VIRMA: variants seen among roughly 807,000 people sequenced by gnomAD.
VIRMA encodes the protein vir like m6A methyltransferase associated.
Under a neutral mutation model 182.4 loss-of-function variants are expected in VIRMA, and 65 were observed. That is an observed-to-expected ratio of 0.36 (90% CI 0.29 to 0.44). The LOEUF (loss-of-function observed/expected upper bound fraction) is 0.44, where lower values mean the gene tolerates loss of function less well. VIRMA is among the 20% of genes least tolerant of loss of function. VIRMA has a pLI of 1.00. For missense variants in VIRMA, 1,752 were observed against 2,158.1 expected (o/e 0.81, Z 3.73); for synonymous variants, 709 against 743.1 (o/e 0.95, Z 0.75).
At chr8:94,508,826 T>G (rs1314038777) in intron 15 of VIRMA, among the ~76,000 whole-genome samples, 1 of 152,112 alleles carries the variant, frequency 6.6e-6, no homozygotes, top group East Asian at 1.9e-4. Flanking sequence ...AAATCACATT[T>G]GATGACCACT....
Position 94,496,330 on chromosome 8 carries a change from A to G in VIRMA, c.4381T>C (p.Leu1461=), listed in dbSNP as rs1270975014. 2 of 1,607,256 alleles carry G rather than the reference A, an allele frequency of 1.2e-6. No homozygotes were observed. The highest frequency in any genetic ancestry group is 2.7e-5 in the African/African-American group (2 of 74,358). The change falls in exon 18 of 24, where the codon TTG becomes CTG. Residue 1461 remains leucine (L), a splice_region_variant and synonymous_variant. Transcript: ENST00000297591. ...NLFLELEKLV[L]EHSKDDDNLD... is the part of the protein sequence containing the mutation. ...CGCTCTGTTTTTTTCTTTTTTACCAAAACAAGCTTCTCTAGTTCAAGGAAC... is the reference window on the plus strand; with the variant it reads ...CGCTCTGTTTTTTTCTTTTTTACCAGAACAAGCTTCTCTAGTTCAAGGAAC...
At chr8:94,489,861 C>A (rs1290997965) in intron 23 of VIRMA, 78 bp downstream of exon 23, 1 of 1,486,040 alleles carries the variant, frequency 6.7e-7, no homozygotes, top group African/African-American at 1.4e-5. Flanking sequence ...CTAGCCCCCT[C>A]TGTATATGAT....
chr8:94,553,252 G>A, intron 1 of VIRMA, 133 bp downstream of exon 1: 1 of 870,352 alleles, frequency 1.1e-6, no homozygotes, highest in Non-Finnish European at 1.9e-6. Context: ...ACACAGCTCG[G>A]GGGAGGGTGT....
At chr8:94,543,242 T>G (rs1249229784) in intron 2 of VIRMA, among the ~76,000 whole-genome samples, 1 of 151,240 alleles carries the variant, frequency 6.6e-6, no homozygotes, top group Non-Finnish European at 1.5e-5. Context: ...CCATCTCTAC[T>G]AAAAATACAA....
At chr8:94,553,263 C>T (rs1816070780) in intron 1 of VIRMA, 122 bp downstream of exon 1, 2 of 956,188 alleles carry the variant, frequency 2.1e-6, no homozygotes, top group East Asian at 4.8e-5. Flanking sequence ...GGGAGGGTGT[C>T]TGTGTGTAAG....
Position 94,529,116 on chromosome 8 carries a change from T to C in VIRMA, c.834A>G (p.Glu278=). The change falls in exon 7 of 24, where the codon GAA becomes GAG. Residue 278 remains glutamate, a synonymous_variant. Coordinates refer to ENST00000297591, the MANE Select transcript of VIRMA (RefSeq NM_015496.5). ...RRTVDSIPEE[E]EEDEEEEGEE... ...CACCTTCTTCCTCTTCATCTTCCTC[T>C]TCCTCCTCAGGAATACTGTCTACTG... 1.3e-6 allele frequency: 2 copies of C among 1,531,388 alleles called. No homozygotes were observed. Among genetic ancestry groups the C allele is most frequent in the Non-Finnish European group, 1.8e-6 (2 of 1,105,228 alleles). 94.9% of individuals were successfully genotyped at this position (1,531,388 alleles called of 1,614,324 possible).
chr8:94,494,197 G>C (rs1368313595), intron 20 of VIRMA, among the ~76,000 whole-genome samples: 1 of 152,192 alleles, frequency 6.6e-6, no homozygotes, highest in Non-Finnish European at 1.5e-5. Flanking sequence ...GCTCACGCCT[G>C]TAATCCCATC....
At chr8:94,534,449 A>G (rs1047152389) in intron 5 of VIRMA, 2 of 196,880 alleles carry the variant, frequency 1.0e-5, no homozygotes, top group Admixed American at 1.2e-4. Flanking sequence ...CCACTTCAAC[A>G]TAAAAAGAAA....
intron 16 of VIRMA, among the ~76,000 whole-genome samples, chr8:94,504,041 G>A (rs1290342900): frequency 1.3e-5 from 2 of 152,174 alleles, no homozygotes; most frequent in African/African-American, 4.8e-5. Context: ...GGGTGTGGTG[G>A]TGCATGCCTG....
intron 7 of VIRMA, among the ~76,000 whole-genome samples, chr8:94,528,461 T>C (rs1000655406): frequency 6.6e-6 from 1 of 152,226 alleles, no homozygotes; most frequent in African/African-American, 2.4e-5. Context: ...AGGCAGATTA[T>C]CTGTTATTCT....
chr8:94,505,252 T>G (rs1467080486), intron 16 of VIRMA, among the ~76,000 whole-genome samples: 1 of 152,108 alleles, frequency 6.6e-6, no homozygotes, highest in African/African-American at 2.4e-5. Flanking sequence ...GTACCTGCAA[T>G]GTAAGTTTTC....
intron 1 of VIRMA, among the ~76,000 whole-genome samples, chr8:94,546,650 T>G (rs1049800712): frequency 2.6e-5 from 4 of 151,052 alleles, no homozygotes; most frequent in African/African-American, 9.9e-5. Context: ...GAGATTTTAG[T>G]GTACCTGTCT....
chr8:94,512,944 A>G (rs2130311713), intron 11 of VIRMA, among the ~76,000 whole-genome samples: 1 of 152,320 alleles, frequency 6.6e-6, no homozygotes, highest in Admixed American at 6.5e-5. Context: ...AAACAAATAC[A>G]ATTGCCTATG....
At chr8:94,549,762 G>T (rs1265292184) in intron 1 of VIRMA, among the ~76,000 whole-genome samples, 1 of 152,088 alleles carries the variant, frequency 6.6e-6, no homozygotes, top group Non-Finnish European at 1.5e-5. Flanking sequence ...CATCTCTCAG[G>T]CTCAGTTTCC....
intron 1 of VIRMA, among the ~76,000 whole-genome samples, chr8:94,553,152 G>C (rs1360426500): frequency 6.6e-6 from 1 of 152,024 alleles, no homozygotes; most frequent in Non-Finnish European, 1.5e-5. Flanking sequence ...CATGCAAGCA[G>C]AAAAGCCAAC....
chr8:94,543,981 A>C (rs1815672892), intron 1 of VIRMA, 39 bp from the exon 2 acceptor site: 1 of 1,013,300 alleles, frequency 9.9e-7, no homozygotes, highest in Non-Finnish European at 1.5e-6. Context: ...GGGGTTCGGA[A>C]CATTATGTAA....
In VIRMA at chr8:94,527,647, A is replaced by G. The variant is rs570533144; in HGVS notation, c.881-284T>C. Among the ~76,000 whole-genome samples, 7 of 152,334 alleles carry G rather than the reference A, an allele frequency of 4.6e-5. 1 individual carries two copies. In the South Asian group the frequency reaches 1.0e-3, roughly 23 times the overall value. On this transcript the variant is annotated intron_variant, in intron 7 of 23. Transcript: ENST00000297591. ...TCAGTTTTACAACTAACTGTAACAG[A>G]TATCTTTTCCTCACAGAAATATAAT...
chr8:94,488,960 A>G, intron 23 of VIRMA, 100 bp from the exon 24 acceptor site: 2 of 1,338,696 alleles, frequency 1.5e-6, no homozygotes, highest in Middle Eastern at 2.3e-4. Flanking sequence ...GAATTACTCT[A>G]TTCTCTTTTA....
chr8:94,553,316 C>G, intron 1 of VIRMA, 69 bp downstream of exon 1: 1 of 1,455,562 alleles, frequency 6.9e-7, no homozygotes, highest in Non-Finnish European at 9.7e-7. Context: ...AAGTGGAGAA[C>G]GCCTAACGGT....
Sources: allele counts gnomAD v4.1 joint callset (sites outside exome capture counted in the v4.1 genomes callset), GRCh38; gene constraint gnomAD v4.1.1; transcripts MANE v1.5; gene names NCBI Gene and HGNC (gene_info 2026-07-23, HGNC 2026-07-21).